The following TMEM232 variants were observed in gnomAD, a reference collection of about 807,000 sequenced individuals.
TMEM232 encodes transmembrane protein 232.
A neutral mutation model predicts 78.8 loss-of-function variants in TMEM232; 80 were observed. The observed-to-expected ratio is 1.01, with a 90% CI of 0.85 to 1.22. The LOEUF is 1.22. TMEM232 is among the 50% of genes most tolerant of loss of function. The pLI, the probability that TMEM232 is intolerant of heterozygous loss-of-function variation, is 0.00. For synonymous variants in TMEM232, 297 were observed against 254.3 expected (o/e 1.17, Z -1.60); for missense variants, 881 against 742.2 (o/e 1.19, Z -2.17).
chr5:110,590,463 C>G (rs1160487494), intron 10 of TMEM232, among the ~76,000 whole-genome samples: 1 of 152,034 alleles, frequency 6.6e-6, no homozygotes, highest in Non-Finnish European at 1.5e-5. Context: ...CTATTGTGAA[C>G]AGTGCATGAG....
intron 12 of TMEM232, among the ~76,000 whole-genome samples, chr5:110,498,611 G>A (rs1190208346): frequency 6.6e-6 from 1 of 152,168 alleles, no homozygotes; most frequent in Non-Finnish European, 1.5e-5. Flanking sequence ...GAAAGGGAAT[G>A]CAACTGGGTG....
intron 1 of TMEM232, among the ~76,000 whole-genome samples, chr5:110,696,300 T>C (rs908521896): frequency 6.6e-6 from 1 of 152,116 alleles, no homozygotes; most frequent in Non-Finnish European, 1.5e-5. Flanking sequence ...ATGGGACGTA[T>C]CTCAAAATAA....
chr5:110,613,631 T>C (rs529319094), intron 8 of TMEM232, among the ~76,000 whole-genome samples: 2 of 152,288 alleles, frequency 1.3e-5, no homozygotes, highest in East Asian at 3.9e-4. Context: ...GAAGTCTTAA[T>C]GCATCATCAG....
intron 11 of TMEM232, among the ~76,000 whole-genome samples, chr5:110,552,193 T>C (rs946309982): frequency 6.6e-6 from 1 of 152,098 alleles, no homozygotes; most frequent in African/African-American, 2.4e-5. Context: ...GTGGTAAAAG[T>C]AATAATTTAG....
At chr5:110,609,255 C>G (rs1329150020) in intron 8 of TMEM232, among the ~76,000 whole-genome samples, 1 of 151,914 alleles carries the variant, frequency 6.6e-6, no homozygotes, top group Non-Finnish European at 1.5e-5. Context: ...AAAGAGACAT[C>G]ACTAATAATA....
intron 12 of TMEM232, among the ~76,000 whole-genome samples, chr5:110,429,538 T>C (rs1207124434): frequency 6.6e-6 from 1 of 151,780 alleles, no homozygotes; most frequent in South Asian, 2.1e-4. Context: ...GGCTTCTTTA[T>C]TCCTACATCT....
intron 2 of TMEM232, among the ~76,000 whole-genome samples, chr5:110,656,736 G>A (rs1393191504): frequency 6.6e-6 from 1 of 151,772 alleles, no homozygotes; most frequent in African/African-American, 2.4e-5. Context: ...TACTCAGGAG[G>A]CTGAGGCAGG....
chr5:110,587,669 A>G (rs1040272692), intron 10 of TMEM232, among the ~76,000 whole-genome samples: 2 of 79,628 alleles, frequency 2.5e-5, no homozygotes, highest in African/African-American at 6.0e-5. Context: ...GTATGTATAT[A>G]TATATATATA....
intron 13 of TMEM232, among the ~76,000 whole-genome samples, chr5:110,422,519 CAAAAAAAAAAAAAAA>C (rs34448955): frequency 2.3e-4 from 8 of 34,570 alleles, no homozygotes; most frequent in African/African-American, 7.1e-4. Flanking sequence ...GACTCTGTCT[CAAAAAAAAAAAAAAA>C]AAAAAAAAAA....
chr5:110,421,323 T>A (rs2112611464), intron 13 of TMEM232, among the ~76,000 whole-genome samples: 1 of 151,922 alleles, frequency 6.6e-6, no homozygotes, highest in East Asian at 1.9e-4. Context: ...TTATAACCCA[T>A]GATGTCATGT....
At chr5:110,591,546 A>C (rs1444146363) in intron 10 of TMEM232, among the ~76,000 whole-genome samples, 1 of 152,186 alleles carries the variant, frequency 6.6e-6, no homozygotes, top group Admixed American at 6.5e-5. Context: ...CATAACATCT[A>C]TTAACCTTTA....
intron 3 of TMEM232, among the ~76,000 whole-genome samples, chr5:110,641,671 A>G (rs1009706704): frequency 2.0e-5 from 3 of 152,194 alleles, no homozygotes; most frequent in Non-Finnish European, 2.9e-5. Flanking sequence ...TAATTTATGC[A>G]CCAGTTTTGT....
At chr5:110,625,912 A>T (rs1178963933) in intron 6 of TMEM232, among the ~76,000 whole-genome samples, 1 of 144,790 alleles carries the variant, frequency 6.9e-6, no homozygotes, top group African/African-American at 2.6e-5. Flanking sequence ...CAACAATAAG[A>T]TAATTTAACA....
intron 12 of TMEM232, among the ~76,000 whole-genome samples, chr5:110,520,904 G>C (rs376713588): frequency 1.3e-5 from 2 of 151,502 alleles, no homozygotes; most frequent in Non-Finnish European, 2.9e-5. Flanking sequence ...GGTAATAAGT[G>C]CAAAACTCCA....
rs1770949050 is a variant in TMEM232 at position 110,528,573 on chromosome 5, A to T, written c.1703+15T>A. Reference sequence around the variant, plus strand: ...AATGTATTAGAACAATAAAACCGATAGTACTTCTCTTTACCTTACAGTGAA... The same window carrying T: ...AATGTATTAGAACAATAAAACCGATTGTACTTCTCTTTACCTTACAGTGAA... On this transcript the variant is annotated intron_variant, in intron 12 of 13. Transcript: ENST00000455884. 5 of 1,513,896 alleles carry T rather than the reference A, an allele frequency of 3.3e-6. No individual in the cohort carries two copies. The highest frequency in any genetic ancestry group is 4.4e-6 in the Non-Finnish European group (5 of 1,138,234). The allele number at this position is 1,513,896 out of a possible 1,614,324, so 93.8% of individuals were successfully genotyped here.
At chr5:110,644,521 G>C (rs919058452) in intron 2 of TMEM232, among the ~76,000 whole-genome samples, 2 of 151,752 alleles carry the variant, frequency 1.3e-5, no homozygotes, top group African/African-American at 4.8e-5. Flanking sequence ...CAAGATTAAT[G>C]ACTTATTGTG....
chr5:110,641,068 T>C, intron 3 of TMEM232, 72 bp from the exon 4 acceptor site: 2 of 936,870 alleles, frequency 2.1e-6, no homozygotes, highest in South Asian at 4.9e-5. Flanking sequence ...TTTTTAACTC[T>C]TAATTGTGCT....
chr5:110,464,639 C>T (rs535278655), intron 12 of TMEM232, among the ~76,000 whole-genome samples: 9 of 152,172 alleles, frequency 5.9e-5, no homozygotes, highest in Admixed American at 2.0e-4. Flanking sequence ...CTTTATATAA[C>T]GAGGGAAATT....
At chr5:110,463,168 T>C (rs1258467169) in intron 12 of TMEM232, among the ~76,000 whole-genome samples, 2 of 152,074 alleles carry the variant, frequency 1.3e-5, no homozygotes, top group Admixed American at 1.3e-4. Context: ...TTTTAAGAAA[T>C]TGCCACAGCC....
Sources: gnomAD v4.1 joint callset for allele counts (sites outside exome capture counted in the v4.1 genomes callset) on GRCh38, gnomAD v4.1.1 for gene constraint, MANE v1.5 for transcripts, NCBI Gene and HGNC (gene_info 2026-07-23, HGNC 2026-07-21) for gene names.